Variants in HIVEP3 observed in about 807,000 individuals in gnomAD.
HIVEP3 encodes transcription factor HIVEP3.
HIVEP3 carries 49 observed loss-of-function variants against 152.8 expected under a neutral mutation model. The observed-to-expected ratio is 0.32, with a 90% CI of 0.26 to 0.41. The LOEUF (loss-of-function observed/expected upper bound fraction) is 0.41. Among genes scored for constraint, HIVEP3 ranks in the 10% least tolerant of loss-of-function variants. The probability of loss-of-function intolerance (pLI) is 1.00; values close to 1 mark genes in which losing one functional copy is unlikely to be tolerated. For missense variants in HIVEP3, 2,790 were observed against 3,103.3 expected (o/e 0.90, Z 2.40); for synonymous variants, 1,269 against 1,289.0 (o/e 0.98, Z 0.33).
intron 3 of HIVEP3, among the ~76,000 whole-genome samples, chr1:41,615,621 A>G (rs1315291574): frequency 6.6e-6 from 1 of 152,184 alleles, no homozygotes; most frequent in African/African-American, 2.4e-5. Context: ...AAAGAGTCTA[A>G]CAGGAAAAGA....
intron 1 of HIVEP3, among the ~76,000 whole-genome samples, chr1:41,831,664 A>G (rs1201811981): frequency 6.6e-6 from 1 of 152,230 alleles, no homozygotes; most frequent in Non-Finnish European, 1.5e-5. Context: ...TCCTATTTGC[A>G]TAAATATCAT....
intron 2 of HIVEP3, among the ~76,000 whole-genome samples, chr1:41,643,019 C>T (rs1645398571): frequency 6.6e-6 from 1 of 152,178 alleles, no homozygotes; most frequent in Admixed American, 6.5e-5. Context: ...TGAATCAGCT[C>T]CCTAAGTTCC....
chr1:41,963,520 G>T (rs1645180717), intron 1 of HIVEP3, among the ~76,000 whole-genome samples: 1 of 151,364 alleles, frequency 6.6e-6, no homozygotes, highest in Non-Finnish European at 1.5e-5. Flanking sequence ...GCCTGTTGTG[G>T]GGTGGGGGGA....
At chr1:41,867,932 C>G (rs698047) in intron 1 of HIVEP3, among the ~76,000 whole-genome samples, 69,619 of 142,460 alleles carry the variant, frequency 0.49, 16,477 homozygotes, top group Admixed American at 0.53. Flanking sequence ...GCCCTCCCCC[C>G]TCCCCTTCCA....
intron 5 of HIVEP3, among the ~76,000 whole-genome samples, chr1:41,526,424 ACT>A (rs1371473425): frequency 1.9e-5 from 2 of 106,208 alleles, no homozygotes; most frequent in Admixed American, 9.8e-5. Flanking sequence ...TCACCCTCAC[ACT>A]CACCCTCATA....
At position 41,513,250 on chromosome 1, in the gene HIVEP3, C is replaced by G. The variant is rs777566608; in HGVS notation, c.5971G>C (p.Asp1991His). 6.2e-7 allele frequency: 1 copy of G among 1,613,348 alleles called. No individual in the cohort carries two copies. Among genetic ancestry groups the G allele is most frequent in the Non-Finnish European group, 8.5e-7 (1 of 1,179,978 alleles). Residue 1991 changes from aspartate (D) to histidine (H), a missense_variant, in exon 8 of 9, where the codon GAC becomes CAC. Around this residue, in one of 9 missense-constraint regions of HIVEP3, gnomAD observed 816 missense variants for 806.5 expected, o/e 1.01. Coordinates refer to ENST00000372583, the MANE Select transcript of HIVEP3 (RefSeq NM_024503.5). The stretch of plus-strand genomic sequence containing the variant: ...GGGGAGCATCGCTGGGGAGATGAGT[C>G]GTTTTTGGTTAGCGAGTGTTTGCGG... ...LARKHSLTKN[D>H]SSPQRCSPAR...
At chr1:41,823,778 G>A (rs1009746611) in intron 1 of HIVEP3, among the ~76,000 whole-genome samples, 11 of 152,114 alleles carry the variant, frequency 7.2e-5, no homozygotes, top group African/African-American at 1.9e-4. Flanking sequence ...GGAGACAGCC[G>A]CTTTTGTCCT....
chr1:41,897,528 C>T (rs137980006), intron 1 of HIVEP3, among the ~76,000 whole-genome samples: 5 of 152,300 alleles, frequency 3.3e-5, no homozygotes, highest in East Asian at 1.9e-4. Flanking sequence ...ACTGAATCTG[C>T]TGGTGCCTTG....
chr1:41,973,065 C>T (rs1186626902), intron 1 of HIVEP3, among the ~76,000 whole-genome samples: 9 of 152,036 alleles, frequency 5.9e-5, no homozygotes, highest in Admixed American at 5.9e-4. Flanking sequence ...CACACACACA[C>T]ACACACACAA....
At chr1:41,763,448 T>C (rs982720513) in intron 1 of HIVEP3, among the ~76,000 whole-genome samples, 3 of 152,184 alleles carry the variant, frequency 2.0e-5, no homozygotes, top group Admixed American at 6.5e-5. Context: ...CTGGCTCTCA[T>C]GCTTGCTTCC....
chr1:41,747,945 T>A (rs1647098123), intron 1 of HIVEP3, among the ~76,000 whole-genome samples: 1 of 152,138 alleles, frequency 6.6e-6, no homozygotes, highest in South Asian at 2.1e-4. Context: ...AAGGCAGTAA[T>A]CAGATGGAAG....
chr1:41,889,724 C>G (rs1644417374), intron 1 of HIVEP3, among the ~76,000 whole-genome samples: 1 of 152,106 alleles, frequency 6.6e-6, no homozygotes, highest in Non-Finnish European at 1.5e-5. Flanking sequence ...CCCATTGTCC[C>G]CTGCAGAGCA....
chr1:41,780,091 A>G (rs1174759717), intron 1 of HIVEP3, among the ~76,000 whole-genome samples: 2 of 152,210 alleles, frequency 1.3e-5, no homozygotes, highest in Non-Finnish European at 2.9e-5. Flanking sequence ...CTTGCTAGGG[A>G]CGAGGTTGCA....
rs1393529829 is a variant in HIVEP3, at chr1:41,750,116, C to T, written c.-800-49121G>A. Among the ~76,000 whole-genome samples the T allele has an allele frequency of 7.2e-5, 11 of 152,172 alleles. No homozygotes were observed. The East Asian group carries it at 1.5e-3, about 21-fold the overall frequency. On this transcript the variant is annotated intron_variant, in intron 1 of 8. Transcript: ENST00000372583. ...AATCTTGGCTCTGCCACTCATTAAG[C>T]GCCATGACCTTAAGCACGTTGCCTA...
intron 5 of HIVEP3, among the ~76,000 whole-genome samples, chr1:41,547,688 G>A (rs181249149): frequency 7.2e-5 from 11 of 152,208 alleles, no homozygotes; most frequent in Non-Finnish European, 1.5e-4. Flanking sequence ...CAGGCTTTGG[G>A]GATTTATTTA....
chr1:41,624,771 T>C (rs1645092374), intron 3 of HIVEP3, among the ~76,000 whole-genome samples: 1 of 152,172 alleles, frequency 6.6e-6, no homozygotes. Context: ...CTTCTACTCC[T>C]CCCCAAATGC....
At chr1:41,946,823 G>A (rs1051149875) in intron 1 of HIVEP3, among the ~76,000 whole-genome samples, 3 of 152,116 alleles carry the variant, frequency 2.0e-5, no homozygotes, top group African/African-American at 7.2e-5. Context: ...TCAAAAGATT[G>A]TTAAGGACCT....
intron 1 of HIVEP3, among the ~76,000 whole-genome samples, chr1:42,003,502 C>T (rs896360854): frequency 2.6e-5 from 4 of 152,162 alleles, no homozygotes; most frequent in Non-Finnish European, 5.9e-5. Context: ...GGTCCTTGTC[C>T]GTGCACATCG....
intron 1 of HIVEP3, among the ~76,000 whole-genome samples, chr1:41,936,789 A>G (rs1645022263): frequency 6.6e-6 from 1 of 152,178 alleles, no homozygotes. Flanking sequence ...GTTTTAAAGT[A>G]TTATTATACT....
Sources: allele counts gnomAD v4.1 joint callset (sites outside exome capture counted in the v4.1 genomes callset), GRCh38; gene constraint gnomAD v4.1.1; regional missense constraint gnomAD v4.1.1; transcripts MANE v1.5; gene names NCBI Gene and HGNC (gene_info 2026-07-23, HGNC 2026-07-21).